Variants in TPCN2 observed in about 807,000 individuals in gnomAD.
TPCN2 encodes two pore channel protein 2.
Under a neutral mutation model 111.4 loss-of-function variants are expected in TPCN2, and 92 were observed. That is an observed-to-expected ratio of 0.83 (90% confidence interval 0.70 to 0.98). The LOEUF (loss-of-function observed/expected upper bound fraction) is 0.98, where lower values mean the gene tolerates loss of function less well. Among genes scored for constraint, TPCN2 ranks in the 50% least tolerant of loss-of-function variants. TPCN2 has a pLI of 0.00. For synonymous variants in TPCN2, 405 were observed against 414.5 expected (o/e 0.98, Z 0.28); for missense variants, 995 against 980.1 (o/e 1.02, Z -0.20).
chr11:69,078,435 C>G, intron 13 of TPCN2, 47 bp from the exon 14 acceptor site: 1 of 1,606,692 alleles, frequency 6.2e-7, no homozygotes. Context: ...GCTGCAACAG[C>G]CACGGCTGCT....
At chr11:69,084,498 G>A (rs1005459018) in intron 19 of TPCN2, among the ~76,000 whole-genome samples, 11 of 152,198 alleles carry the variant, frequency 7.2e-5, no homozygotes, top group African/African-American at 2.7e-4. Context: ...CCTCCCTGGG[G>A]GCCAGCCTTC....
At chr11:69,058,806 G>A (rs768444987) in intron 5 of TPCN2, among the ~76,000 whole-genome samples, 15 of 152,258 alleles carry the variant, frequency 9.9e-5, no homozygotes, top group Admixed American at 2.6e-4. Context: ...AGCCTCTTGC[G>A]TGACTGCCCC....
intron 1 of TPCN2, among the ~76,000 whole-genome samples, chr11:69,051,855 C>G (rs1019524635): frequency 6.6e-6 from 1 of 152,032 alleles, no homozygotes; most frequent in Non-Finnish European, 1.5e-5. Flanking sequence ...GAGCCCAGTT[C>G]GGAATGAGTG....
chr11:69,060,617 G>A (rs1343519051), intron 5 of TPCN2, among the ~76,000 whole-genome samples: 1 of 152,212 alleles, frequency 6.6e-6, no homozygotes, highest in Non-Finnish European at 1.5e-5. Flanking sequence ...TCACCTGGAT[G>A]TACCTTCCCG....
Position 69,062,993 on chromosome 11 carries a change from G to A in TPCN2, c.653+3G>A. 6.2e-7 allele frequency: 1 copy of A among 1,613,548 alleles called. No homozygotes were observed. The highest frequency in any genetic ancestry group is 1.1e-5 in the South Asian group (1 of 91,078). ...TGGTCGCTGCCGGAAATGGCCAGGT[G>A]GGCTCTTGGTGCTCTGGGCTCGCAG... On this transcript the variant is annotated splice_donor_region_variant and intron_variant, in intron 6 of 24. Coordinates refer to ENST00000294309, the MANE Select transcript of TPCN2 (RefSeq NM_139075.4).
intron 4 of TPCN2, among the ~76,000 whole-genome samples, chr11:69,057,166 TA>T (rs1854809483): frequency 6.6e-6 from 1 of 152,192 alleles, no homozygotes; most frequent in African/African-American, 2.4e-5. Flanking sequence ...AAATGGCAGT[TA>T]GGTAAGGGAA....
intron 16 of TPCN2, 62 bp from the exon 17 acceptor site, chr11:69,079,772 C>T (rs913173902): frequency 3.3e-6 from 5 of 1,515,412 alleles, no homozygotes; most frequent in Non-Finnish European, 3.6e-6. Context: ...ATAATAATTC[C>T]TTTAAGGGCC....
intron 18 of TPCN2, among the ~76,000 whole-genome samples, chr11:69,083,623 T>C (rs1286874071): frequency 6.6e-6 from 1 of 152,140 alleles, no homozygotes. Context: ...CGTGCTTGAA[T>C]GAGGCTGGGG....
At chr11:69,066,415 A>G (rs11228475) in intron 7 of TPCN2, among the ~76,000 whole-genome samples, 74,117 of 151,934 alleles carry the variant, frequency 0.49, 18,421 homozygotes, top group South Asian at 0.7. Context: ...CCTGCCTTCT[A>G]ACTTCCTCTC....
Position 69,087,943 on chromosome 11 carries a change from T to C in TPCN2, c.2249T>C (p.Leu750Pro), listed in dbSNP as rs1249467328. 1 of 1,609,496 alleles carries C rather than the reference T, an allele frequency of 6.2e-7. No homozygotes were observed. Among genetic ancestry groups the C allele is most frequent in the Non-Finnish European group, 8.5e-7 (1 of 1,179,148 alleles). The change falls in exon 25 of 25, where the codon CTG becomes CCG. Residue 750 changes from leucine to proline, a missense_variant. Coordinates refer to ENST00000294309, the MANE Select transcript of TPCN2 (RefSeq NM_139075.4). ...ERLSQHPHLW[L>P]CR is the part of the protein sequence containing the mutation. ...CTGAGCCAGCACCCGCACCTGTGGC[T>C]GTGCAGGTGACGTCCGGGCTGCCGT...
chr11:69,052,773 G>A (rs1861288686), intron 1 of TPCN2, among the ~76,000 whole-genome samples: 2 of 152,186 alleles, frequency 1.3e-5, no homozygotes, highest in South Asian at 4.1e-4. Context: ...GCTCTGCCTG[G>A]GGACCAGCAC....
At chr11:69,064,003 T>C in intron 7 of TPCN2, 36 bp downstream of exon 7, 1 of 1,596,924 alleles carries the variant, frequency 6.3e-7, no homozygotes, top group Non-Finnish European at 8.6e-7. Context: ...GGAATGGGGC[T>C]GCCCTGTGCT....
chr11:69,053,217 G>C (rs889922026), intron 1 of TPCN2, among the ~76,000 whole-genome samples: 4 of 152,242 alleles, frequency 2.6e-5, no homozygotes, highest in African/African-American at 9.6e-5. Context: ...CTGCCGGGAG[G>C]CTCCACCCTG....
At chr11:69,083,466 C>CA (rs1356262253) in intron 18 of TPCN2, among the ~76,000 whole-genome samples, 1 of 152,226 alleles carries the variant, frequency 6.6e-6, no homozygotes, top group African/African-American at 2.4e-5. Context: ...TGCTGGTTCT[C>CA]AGAGGCCCCT....
chr11:69,053,073 G>C (rs1349756133), intron 1 of TPCN2, among the ~76,000 whole-genome samples: 2 of 152,230 alleles, frequency 1.3e-5, no homozygotes, highest in African/African-American at 2.4e-5. Context: ...GGCTGACCAG[G>C]TGCGCCCGCT....
chr11:69,079,915 C>A, intron 17 of TPCN2, 32 bp downstream of exon 17: 1 of 1,610,104 alleles, frequency 6.2e-7, no homozygotes, highest in Middle Eastern at 1.7e-4. Context: ...AGGGCGGCTA[C>A]AGCAAACAGC....
chr11:69,076,926 CATG>C, intron 13 of TPCN2, among the ~76,000 whole-genome samples: 3 of 111,962 alleles, frequency 2.7e-5, no homozygotes, highest in Non-Finnish European at 3.5e-5. Context: ...GCCCTCCTGC[CATG>C]CCCCTCCACC....
At chr11:69,076,335 C>T (rs1431135835) in intron 13 of TPCN2, among the ~76,000 whole-genome samples, 2 of 152,236 alleles carry the variant, frequency 1.3e-5, no homozygotes, top group African/African-American at 2.4e-5. Context: ...GTGGTCCTGC[C>T]GAGGGAATTC....
rs532387308 is a variant in TPCN2, at chr11:69,072,921, C to T, written c.1150C>T (p.Arg384Cys). The change falls in exon 13 of 25, where the codon CGT becomes TGT. Residue 384 changes from arginine to cysteine, a missense_variant. By Grantham distance (180) the Arg-to-Cys change is radical. Coordinates refer to ENST00000294309, the MANE Select transcript of TPCN2 (RefSeq NM_139075.4). ...TGTGCTCCTTCCTGTGCAGAAGGTG[C>T]GTTCCTATGGCAGTGTTCTGCTCTC... ...SHKQAMMEKVRSYGSVLLSAE... is the reference protein window; with the variant it reads ...SHKQAMMEKVCSYGSVLLSAE... 133 of 1,611,940 alleles carry T rather than the reference C, an allele frequency of 8.3e-5. 1 individual carries two copies. Among genetic ancestry groups the T allele is most frequent in the Admixed American group, 1.0e-4 (6 of 60,018 alleles).
Sources: allele counts gnomAD v4.1 joint callset (sites outside exome capture counted in the v4.1 genomes callset), GRCh38; gene constraint gnomAD v4.1.1; transcripts MANE v1.5; gene names NCBI Gene and HGNC (gene_info 2026-07-23, HGNC 2026-07-21).